Variants in WASL observed in about 807,000 individuals in gnomAD.
WASL encodes the protein WASP like actin nucleation promoting factor.
Under a neutral mutation model 55.5 loss-of-function variants are expected in WASL, and 20 were observed. The observed-to-expected ratio is 0.36, with a 90% CI of 0.25 to 0.52. The LOEUF (loss-of-function observed/expected upper bound fraction) is 0.52, where lower values mean the gene tolerates loss of function less well. Ranked by LOEUF, WASL falls within the 20% of genes least tolerant of loss-of-function variation. The pLI is 0.92. For missense variants in WASL, 504 were observed against 622.5 expected, an observed-to-expected ratio of 0.81 and a Z score of 2.03; for synonymous variants, 249 against 217.6, an observed-to-expected ratio of 1.14 and a Z score of -1.27.
intron 1 of WASL, among the ~76,000 whole-genome samples, chr7:123,717,272 A>G (rs1386662782): frequency 6.6e-6 from 1 of 152,262 alleles, no homozygotes; most frequent in Non-Finnish European, 1.5e-5. Flanking sequence ...TGAACTTACC[A>G]TGAAGCTAAT....
At chr7:123,736,221 T>C (rs1019977442) in intron 1 of WASL, among the ~76,000 whole-genome samples, 2 of 152,128 alleles carry the variant, frequency 1.3e-5, no homozygotes, top group African/African-American at 2.4e-5. Context: ...TTTTAAGTTA[T>C]ATCAACCTGA....
chr7:123,739,398 C>A (rs751710573), intron 1 of WASL, among the ~76,000 whole-genome samples: 7 of 152,208 alleles, frequency 4.6e-5, no homozygotes, highest in Non-Finnish European at 8.8e-5. Context: ...TAAACACTCC[C>A]CAACTAATGA....
At chr7:123,744,352 C>G (rs138932529) in intron 1 of WASL, among the ~76,000 whole-genome samples, 1 of 152,176 alleles carries the variant, frequency 6.6e-6, no homozygotes, top group African/African-American at 2.4e-5. Context: ...AAAAAATAAA[C>G]GAGTAATTAT....
chr7:123,708,135 G>A (rs559730470), intron 2 of WASL, among the ~76,000 whole-genome samples: 7 of 152,182 alleles, frequency 4.6e-5, no homozygotes, highest in Admixed American at 3.9e-4. Context: ...GCAGTAAGCT[G>A]TGCACTCCAG....
chr7:123,748,543 C>T (rs1804482332), intron 1 of WASL, 75 bp downstream of exon 1: 2 of 1,526,848 alleles, frequency 1.3e-6, no homozygotes, highest in Non-Finnish European at 1.8e-6. Flanking sequence ...TCCTTCCCCA[C>T]TCCCACTTCC....
At chr7:123,728,241 A>T (rs1804082691) in intron 1 of WASL, among the ~76,000 whole-genome samples, 1 of 152,242 alleles carries the variant, frequency 6.6e-6, no homozygotes, top group Non-Finnish European at 1.5e-5. Context: ...CACTTTCAAG[A>T]ACTACAAAGA....
chr7:123,723,683 A>G (rs1480975009), intron 1 of WASL, among the ~76,000 whole-genome samples: 1 of 152,188 alleles, frequency 6.6e-6, no homozygotes, highest in Admixed American at 6.5e-5. Flanking sequence ...GGGACCCAGG[A>G]CTGATGGGTT....
chr7:123,724,607 C>A (rs554766992), intron 1 of WASL, among the ~76,000 whole-genome samples: 2 of 152,120 alleles, frequency 1.3e-5, no homozygotes. Context: ...GCCTCCAACA[C>A]AGTATTTTAT....
intron 1 of WASL, among the ~76,000 whole-genome samples, chr7:123,730,240 A>T (rs1419578262): frequency 2.0e-5 from 3 of 152,332 alleles, no homozygotes; most frequent in South Asian, 4.1e-4. Context: ...TAGAGGTCAG[A>T]AACTTGAATA....
intron 1 of WASL, among the ~76,000 whole-genome samples, chr7:123,712,878 T>A (rs1803781722): frequency 6.6e-6 from 1 of 152,192 alleles, no homozygotes; most frequent in South Asian, 2.1e-4. Flanking sequence ...ACTGTTTAAA[T>A]TCCTTTCACA....
At chr7:123,712,499 AT>A (rs2116794072) in intron 1 of WASL, among the ~76,000 whole-genome samples, 1 of 152,346 alleles carries the variant, frequency 6.6e-6, no homozygotes, top group South Asian at 2.1e-4. Flanking sequence ...TCAGAAAAAA[AT>A]AACATGCATG....
chr7:123,729,186 A>G (rs1484301973), intron 1 of WASL, among the ~76,000 whole-genome samples: 1 of 152,218 alleles, frequency 6.6e-6, no homozygotes, highest in Non-Finnish European at 1.5e-5. Context: ...AATTTCAATA[A>G]ATTTTATATA....
In WASL at chr7:123,692,430, C is replaced by CT. The variant is rs1158703313; in HGVS notation, c.1263dup (p.Val422SerfsTer31). On this transcript the variant is annotated frameshift_variant, in exon 9 of 11. Transcript: ENST00000223023. LOFTEE classifies it high-confidence loss of function. ...GACACTGGCCGACTGTTCTGCTCCA[C>CT]TTTTTTTAGCTGAGCACCCTCTCTA... The CT allele has an allele frequency of 1.9e-6, 3 of 1,614,052 alleles. No individual in the cohort carries two copies. Among genetic ancestry groups the CT allele is most frequent in the Non-Finnish European group, 2.5e-6 (3 of 1,180,022 alleles).
At chr7:123,725,126 A>C (rs571662417) in intron 1 of WASL, among the ~76,000 whole-genome samples, 1 of 152,254 alleles carries the variant, frequency 6.6e-6, no homozygotes, top group South Asian at 2.1e-4. Flanking sequence ...ACAAGGCTGT[A>C]AGTCAGATGA....
intron 1 of WASL, among the ~76,000 whole-genome samples, chr7:123,740,227 A>AT (rs1279969898): frequency 1.3e-5 from 2 of 151,936 alleles, no homozygotes; most frequent in South Asian, 4.1e-4. Flanking sequence ...TTTTATATAT[A>AT]TATCTTTCAT....
At chr7:123,725,561 A>G (rs1804028219) in intron 1 of WASL, among the ~76,000 whole-genome samples, 1 of 152,170 alleles carries the variant, frequency 6.6e-6, no homozygotes, top group Admixed American at 6.5e-5. Context: ...AATCCCAAAT[A>G]AAAATATTAA....
chr7:123,707,738 C>A (rs1803693901), intron 2 of WASL, among the ~76,000 whole-genome samples: 2 of 152,170 alleles, frequency 1.3e-5, no homozygotes, highest in South Asian at 4.1e-4. Flanking sequence ...AGAAATATGT[C>A]AAAGCACTTG....
chr7:123,709,972 A>C (rs1803730351), intron 1 of WASL, among the ~76,000 whole-genome samples: 1 of 152,194 alleles, frequency 6.6e-6, no homozygotes, highest in Non-Finnish European at 1.5e-5. Flanking sequence ...GATGTATAGG[A>C]GGGAAGCTAA....
At chr7:123,699,577 T>C (rs532844812) in intron 5 of WASL, among the ~76,000 whole-genome samples, 6 of 152,278 alleles carry the variant, frequency 3.9e-5, no homozygotes, top group Middle Eastern at 3.4e-3. Flanking sequence ...GGAAACACAG[T>C]TGGATAAAGT....
Sources: gnomAD v4.1 joint callset for allele counts (sites outside exome capture counted in the v4.1 genomes callset) on GRCh38, gnomAD v4.1.1 for gene constraint, MANE v1.5 for transcripts, NCBI Gene and HGNC (gene_info 2026-07-23, HGNC 2026-07-21) for gene names.